CUX1: variants seen among roughly 807,000 people sequenced by gnomAD.
CUX1 encodes the protein protein CASP.
Under a neutral mutation model 158.8 loss-of-function variants are expected in CUX1, and 31 were observed. The ratio of observed to expected loss-of-function variants is 0.20; its 90% CI spans 0.15 to 0.26. CUX1 has a LOEUF of 0.26. Among genes scored for constraint, CUX1 ranks in the 10% least tolerant of loss-of-function variants. CUX1 has a pLI of 1.00. For synonymous variants in CUX1, 879 were observed against 862.1 expected, an observed-to-expected ratio of 1.02 and a Z score of -0.34; for missense variants, 1,589 against 2,014.6, an observed-to-expected ratio of 0.79 and a Z score of 4.04.
chr7:102,109,294 C>G (rs369902899), intron 6 of CUX1, among the ~76,000 whole-genome samples: 1 of 151,992 alleles, frequency 6.6e-6, no homozygotes, highest in East Asian at 1.9e-4. Context: ...GAACAAAATC[C>G]GCTCTACAAA....
rs146045348 is a variant in CUX1 at position 102,159,622 on chromosome 7, G to A, written c.723+1014G>A. Among the ~76,000 whole-genome samples the A allele has an allele frequency of 1.3e-3, 195 of 151,856 alleles. 2 individuals are homozygous for A. Among genetic ancestry groups the A allele is most frequent in the African/African-American group, 4.6e-3 (190 of 41,430 alleles). On this transcript the variant is annotated intron_variant, in intron 9 of 23. Transcript: ENST00000292535. ...ACGCCTGTAATCCCAGCAGTCTGGGGGGCCAAGGTGGGAGGATCACTTGAG... is the reference window on the plus strand; with the variant it reads ...ACGCCTGTAATCCCAGCAGTCTGGGAGGCCAAGGTGGGAGGATCACTTGAG...
rs201570283 is a variant in CUX1, at chr7:102,036,245, C to T, written c.189+8100C>T. ...TGCTGGGATTACAGTCATGAGCCAC[C>T]GAGCCCGGCCCCAGCAAGAATCTTA... is the stretch of plus-strand genomic sequence containing the variant. On this transcript the variant is annotated intron_variant, in intron 3 of 23. Transcript: ENST00000292535. 2.0e-5 allele frequency among the ~76,000 whole-genome samples: 3 copies of T among 151,926 alleles called. No homozygotes were observed. In the East Asian group the frequency reaches 5.8e-4, roughly 29 times the overall value.
intron 1 of CUX1, among the ~76,000 whole-genome samples, chr7:101,836,512 C>T (rs906572107): frequency 6.6e-6 from 1 of 151,836 alleles, no homozygotes; most frequent in Non-Finnish European, 1.5e-5. Flanking sequence ...CAACAAGGGA[C>T]CCCCTTCACT....
chr7:101,970,461 G>C (rs1811814551), intron 2 of CUX1, among the ~76,000 whole-genome samples: 1 of 152,108 alleles, frequency 6.6e-6, no homozygotes, highest in African/African-American at 2.4e-5. Flanking sequence ...ACCGAGGTTT[G>C]CACACACCCC....
chr7:102,103,073 G>T (rs10277680), intron 5 of CUX1, among the ~76,000 whole-genome samples: 2 of 152,026 alleles, frequency 1.3e-5, no homozygotes, highest in African/African-American at 2.4e-5. Flanking sequence ...TACCAGAGCC[G>T]TCTGGACCTG....
intron 1 of CUX1, among the ~76,000 whole-genome samples, chr7:101,821,481 G>GGT: frequency 6.6e-6 from 1 of 151,410 alleles, no homozygotes; most frequent in Non-Finnish European, 1.5e-5. Context: ...TGGGACTACA[G>GGT]GCGCTGGCCA....
intron 11 of CUX1, among the ~76,000 whole-genome samples, 164 bp from the exon 12 acceptor site, chr7:102,189,649 A>G (rs1794064436): frequency 6.6e-6 from 1 of 152,362 alleles, no homozygotes; most frequent in Admixed American, 6.5e-5. Flanking sequence ...TGGGCAGGCC[A>G]GGAGCGTGAG....
chr7:102,254,629 C>T lies in CUX1; in HGVS notation c.*5587C>T, dbSNP rs1217423323. On this transcript the variant is annotated 3_prime_UTR_variant, in exon 24 of 24. Transcript: ENST00000292535. ...CTAAGGATGGGGACAGCATCCTGTG[C>T]TTGGGCATTGACCAGCCAAAGCTCA... The T allele has an allele frequency of 4.1e-6, 4 of 985,394 alleles. No homozygotes were observed. The African/African-American group carries it at 7.0e-5, about 17-fold the overall frequency. 61.0% of individuals were successfully genotyped at this position (985,394 alleles called of 1,614,324 possible).
intron 2 of CUX1, among the ~76,000 whole-genome samples, chr7:101,921,797 A>G (rs1804977008): frequency 6.6e-6 from 1 of 152,204 alleles, no homozygotes; most frequent in African/African-American, 2.4e-5. Context: ...CAACAAATAT[A>G]GGTAGTTTCA....
At chr7:102,148,201 C>T (rs1554502613) in intron 8 of CUX1, among the ~76,000 whole-genome samples, 1 of 152,092 alleles carries the variant, frequency 6.6e-6, no homozygotes, top group Non-Finnish European at 1.5e-5. Flanking sequence ...GGCTGAGACC[C>T]AGGCCTGTAG....
At chr7:102,045,655 G>A (rs1671082264) in intron 3 of CUX1, among the ~76,000 whole-genome samples, 2 of 152,286 alleles carry the variant, frequency 1.3e-5, no homozygotes, top group African/African-American at 2.4e-5. Flanking sequence ...TCCACGTGGA[G>A]GGCAAATTGA....
At chr7:102,179,439 GA>G (rs1678770409) in intron 11 of CUX1, among the ~76,000 whole-genome samples, 1 of 152,140 alleles carries the variant, frequency 6.6e-6, no homozygotes, top group Admixed American at 6.6e-5. Context: ...TCCGGTGCAT[GA>G]GCCAAATGAA....
At chr7:101,904,105 G>A (rs1802471512) in intron 1 of CUX1, among the ~76,000 whole-genome samples, 1 of 140,898 alleles carries the variant, frequency 7.1e-6, no homozygotes, top group African/African-American at 2.7e-5. Context: ...TGGCAAAACC[G>A]TGTCTTTACA....
Position 102,027,127 on chromosome 7 carries a change from G to A in CUX1, c.142-971G>A, listed in dbSNP as rs555070809. On this transcript the variant is annotated intron_variant, in intron 2 of 23. Coordinates refer to ENST00000292535, the MANE Select transcript of CUX1 (RefSeq NM_181552.4). ...GGGCCGGCCATGGTGGCTCATGCCT[G>A]TAATCCCAGCACTTTGGGAGATGAA... is the stretch of plus-strand genomic sequence containing the variant. Among the ~76,000 whole-genome samples, 5 of 152,300 alleles carry A rather than the reference G, an allele frequency of 3.3e-5. No homozygotes were observed. In the South Asian group the frequency reaches 1.0e-3, roughly 32 times the overall value.
At chr7:102,126,051 T>A (rs1032425323) in intron 8 of CUX1, among the ~76,000 whole-genome samples, 1 of 152,130 alleles carries the variant, frequency 6.6e-6, no homozygotes, top group African/African-American at 2.4e-5. Context: ...TCTCACTCTG[T>A]TGCCCAGGCT....
intron 2 of CUX1, among the ~76,000 whole-genome samples, chr7:101,917,086 C>T (rs1804306373): frequency 6.6e-6 from 1 of 152,222 alleles, no homozygotes; most frequent in Non-Finnish European, 1.5e-5. Context: ...CAGCTTCGGC[C>T]CGGCTTCCGG....
rs964237843 is a variant in CUX1 at position 102,027,530 on chromosome 7, A to T, written c.142-568A>T. 4.6e-5 allele frequency among the ~76,000 whole-genome samples: 7 copies of T among 152,146 alleles called. No homozygotes were observed. The South Asian group carries it at 6.2e-4, about 14-fold the overall frequency. On this transcript the variant is annotated intron_variant, in intron 2 of 23. Transcript: ENST00000292535. ...AAAGCTTTAGTCTGTAGCACATTCAAAATGAGGTATATGTGACCAGGAGTT... is the reference window on the plus strand; with the variant it reads ...AAAGCTTTAGTCTGTAGCACATTCATAATGAGGTATATGTGACCAGGAGTT...
At chr7:102,002,741 C>T (rs1816837126) in intron 2 of CUX1, among the ~76,000 whole-genome samples, 1 of 152,122 alleles carries the variant, frequency 6.6e-6, no homozygotes, top group African/African-American at 2.4e-5. Context: ...AGTGAGTGCT[C>T]TCTGCAGATC....
chr7:102,000,985 C>A (rs745570888), intron 2 of CUX1, among the ~76,000 whole-genome samples: 2 of 152,076 alleles, frequency 1.3e-5, no homozygotes, highest in Non-Finnish European at 2.9e-5. Context: ...GCTTTGTTGC[C>A]CAGGCTGGTC....
Sources: gnomAD v4.1 joint callset for allele counts (sites outside exome capture counted in the v4.1 genomes callset) on GRCh38, gnomAD v4.1.1 for gene constraint, MANE v1.5 for transcripts, NCBI Gene and HGNC (gene_info 2026-07-23, HGNC 2026-07-21) for gene names.